Variants in EPS15 observed in about 807,000 individuals in gnomAD.
EPS15 encodes the protein epidermal growth factor receptor pathway substrate 15.
A neutral mutation model predicts 113.8 loss-of-function variants in EPS15; 72 were observed. That is an observed-to-expected ratio of 0.63 (90% CI 0.52 to 0.77). The LOEUF is 0.77. Ranked by LOEUF, EPS15 falls within the 30% of genes least tolerant of loss-of-function variation. The pLI, the probability that EPS15 is intolerant of heterozygous loss-of-function variation, is 0.00. For missense variants in EPS15, 1,048 were observed against 1,045.8 expected, an observed-to-expected ratio of 1.00 and a Z score of -0.03; for synonymous variants, 344 against 363.4, an observed-to-expected ratio of 0.95 and a Z score of 0.61.
intron 24 of EPS15, among the ~76,000 whole-genome samples, chr1:51,357,428 T>A (rs865871473): frequency 0.043 from 2,645 of 62,054 alleles, 46 homozygotes; most frequent in Non-Finnish European, 0.062. Flanking sequence ...ATATATATAT[T>A]TTTTTTTTTT....
At chr1:51,456,947 T>C (rs1177201612) in intron 8 of EPS15, among the ~76,000 whole-genome samples, 3 of 152,038 alleles carry the variant, frequency 2.0e-5, no homozygotes, top group Non-Finnish European at 2.9e-5. Flanking sequence ...GAGCAAAATC[T>C]AGAATTTGAG....
chr1:51,411,331 G>A (rs1649702875), intron 13 of EPS15, among the ~76,000 whole-genome samples: 1 of 152,088 alleles, frequency 6.6e-6, no homozygotes, highest in Admixed American at 6.5e-5. Context: ...GATACTTGAG[G>A]AATTCGGACA....
intron 1 of EPS15, among the ~76,000 whole-genome samples, chr1:51,508,271 AG>A (rs1557536713): frequency 1.4e-4 from 15 of 105,456 alleles, no homozygotes; most frequent in African/African-American, 8.2e-4. Flanking sequence ...AGAGAGAGAG[AG>A]AAAGAGAGAA....
chr1:51,441,179 A>G (rs1405573233), intron 11 of EPS15, among the ~76,000 whole-genome samples: 1 of 152,084 alleles, frequency 6.6e-6, no homozygotes, highest in Non-Finnish European at 1.5e-5. Flanking sequence ...TGCCTTGCCC[A>G]CTTTACAAGT....
intron 21 of EPS15, among the ~76,000 whole-genome samples, chr1:51,387,689 A>T (rs1008407780): frequency 6.6e-6 from 1 of 152,208 alleles, no homozygotes; most frequent in Non-Finnish European, 1.5e-5. Context: ...GATAAAACAG[A>T]CTTTAAACCA....
chr1:51,471,473 A>G (rs1052706801), intron 4 of EPS15, among the ~76,000 whole-genome samples: 9 of 152,210 alleles, frequency 5.9e-5, no homozygotes, highest in Non-Finnish European at 1.3e-4. Flanking sequence ...AGACAGAAAA[A>G]TAAACTCCAG....
intron 3 of EPS15, among the ~76,000 whole-genome samples, chr1:51,472,011 T>C (rs560969672): frequency 6.6e-6 from 1 of 151,752 alleles, no homozygotes; most frequent in African/African-American, 2.4e-5. Context: ...TTTTATGATT[T>C]TTTTTTTTTT....
At chr1:51,387,935 T>C (rs1647134537) in intron 21 of EPS15, among the ~76,000 whole-genome samples, 2 of 152,204 alleles carry the variant, frequency 1.3e-5, no homozygotes, top group East Asian at 1.9e-4. Context: ...AAAAAGGATA[T>C]CCAGGAATTG....
At chr1:51,413,864 T>A (rs1406041611) in intron 13 of EPS15, among the ~76,000 whole-genome samples, 1 of 152,110 alleles carries the variant, frequency 6.6e-6, no homozygotes, top group East Asian at 1.9e-4. Flanking sequence ...TCTTCCCACC[T>A]CAGCCTCCCA....
At chr1:51,441,842 G>A (rs1050515749) in intron 11 of EPS15, among the ~76,000 whole-genome samples, 1 of 152,036 alleles carries the variant, frequency 6.6e-6, no homozygotes, top group Non-Finnish European at 1.5e-5. Context: ...GCTATTTCAC[G>A]CAATGCCCCC....
At chr1:51,519,001 G>C (rs1644787617) in intron 1 of EPS15, among the ~76,000 whole-genome samples, 198 bp downstream of exon 1, 2 of 151,416 alleles carry the variant, frequency 1.3e-5, no homozygotes, top group Middle Eastern at 3.4e-3. Context: ...GCGAGGTCGC[G>C]GCGGCCGCAG....
At chr1:51,364,863 T>G (rs1646473522) in intron 22 of EPS15, among the ~76,000 whole-genome samples, 1 of 151,538 alleles carries the variant, frequency 6.6e-6, no homozygotes, top group Non-Finnish European at 1.5e-5. Flanking sequence ...TGAGACAAGG[T>G]CTCACTCTAA....
chr1:51,357,437 TTA>T (rs1491367547), intron 24 of EPS15, among the ~76,000 whole-genome samples: 40 of 114,294 alleles, frequency 3.5e-4, no homozygotes, highest in African/African-American at 1.5e-3. Context: ...TTTTTTTTTT[TTA>T]AATGTGATAT....
At chr1:51,517,418 T>C (rs1644741980) in intron 1 of EPS15, among the ~76,000 whole-genome samples, 1 of 152,170 alleles carries the variant, frequency 6.6e-6, no homozygotes, top group Non-Finnish European at 1.5e-5. Context: ...TCTCCAGAGA[T>C]GAATGATGTA....
chr1:51,461,237 G>A (rs72696156), intron 7 of EPS15, 87 bp from the exon 8 acceptor site: 23,675 of 962,012 alleles, frequency 0.025, 421 homozygotes, highest in Non-Finnish European at 0.032. Context: ...TATGAGCTAG[G>A]AATGGTGGCT....
At chr1:51,483,226 T>C (rs532873954) in intron 1 of EPS15, among the ~76,000 whole-genome samples, 7 of 152,198 alleles carry the variant, frequency 4.6e-5, no homozygotes, top group Non-Finnish European at 7.4e-5. Flanking sequence ...CAATAAGATA[T>C]GTTGAGAGAG....
chr1:51,410,804 T>A (rs1044609370), intron 13 of EPS15, among the ~76,000 whole-genome samples: 1 of 152,222 alleles, frequency 6.6e-6, no homozygotes, highest in African/African-American at 2.4e-5. Flanking sequence ...AATTACTGCA[T>A]AGGTTACACA....
intron 13 of EPS15, among the ~76,000 whole-genome samples, chr1:51,416,154 AAC>A (rs758841044): frequency 6.6e-6 from 1 of 152,052 alleles, no homozygotes; most frequent in African/African-American, 2.4e-5. Flanking sequence ...TCTCCTAACA[AAC>A]AGTGTCTTCT....
At chr1:51,478,366 G>T (rs1369598037) in intron 2 of EPS15, among the ~76,000 whole-genome samples, 1 of 152,148 alleles carries the variant, frequency 6.6e-6, no homozygotes, top group African/African-American at 2.4e-5. Flanking sequence ...CATGAGATGG[G>T]TCTCCTGAAT....
Sources: gnomAD v4.1 joint callset for allele counts (sites outside exome capture counted in the v4.1 genomes callset) on GRCh38, gnomAD v4.1.1 for gene constraint, MANE v1.5 for transcripts, NCBI Gene and HGNC (gene_info 2026-07-23, HGNC 2026-07-21) for gene names.